Variants in TSPAN17 observed in about 807,000 individuals in gnomAD.
TSPAN17 encodes the protein tetraspanin-17.
A neutral mutation model predicts 40.5 loss-of-function variants in TSPAN17; 33 were observed. That is an observed-to-expected ratio of 0.81 (90% CI 0.62 to 1.09). The LOEUF (loss-of-function observed/expected upper bound fraction) is 1.09, where lower values mean the gene tolerates loss of function less well. TSPAN17 is among the 50% of genes least tolerant of loss of function. The pLI, the probability that TSPAN17 is intolerant of heterozygous loss-of-function variation, is 0.00. For missense variants in TSPAN17, 365 were observed against 416.8 expected, an observed-to-expected ratio of 0.88 and a Z score of 1.08; for synonymous variants, 166 against 169.4, an observed-to-expected ratio of 0.98 and a Z score of 0.15.
rs1010118610 is a variant in TSPAN17, at chr5:176,657,842, C to T, written c.*144C>T. 29 of 1,422,938 alleles carry T rather than the reference C, an allele frequency of 2.0e-5. No homozygotes were observed. The highest frequency in any genetic ancestry group is 5.9e-5 in the South Asian group (4 of 67,698). 88.1% of individuals were successfully genotyped at this position (1,422,938 alleles called of 1,614,324 possible). A position where few individuals can be genotyped will look rare whatever the true frequency, so the allele number is the denominator to read the frequency against. ...TGGCCCGTTCTACTCACCTAAGTGCCGCCTGACCCTTGTACACTAGGAGCT... is the reference window on the plus strand; with the variant it reads ...TGGCCCGTTCTACTCACCTAAGTGCTGCCTGACCCTTGTACACTAGGAGCT... On this transcript the variant is annotated 3_prime_UTR_variant, in exon 9 of 9. Coordinates refer to ENST00000508164, the MANE Select transcript of TSPAN17 (RefSeq NM_130465.5).
At chr5:176,648,699 G>C (rs112694690) in intron 1 of TSPAN17, among the ~76,000 whole-genome samples, 2 of 152,226 alleles carry the variant, frequency 1.3e-5, no homozygotes, top group African/African-American at 2.4e-5. Context: ...AGCAGGCCTG[G>C]CTGGGACACC....
Position 176,652,911 on chromosome 5 carries a change from T to A in TSPAN17, c.454T>A (p.Tyr152Asn), listed in dbSNP as rs1761025758. The A allele has an allele frequency of 6.2e-7, 1 of 1,614,000 alleles. No homozygotes were observed. The highest frequency in any genetic ancestry group is 8.5e-7 in the Non-Finnish European group (1 of 1,179,976). Residue 152 changes from tyrosine (Y) to asparagine (N), a missense_variant and splice_region_variant, in exon 4 of 9, where the codon TAC becomes AAC. Transcript: ENST00000508164. ...GAACCTCATTGACTTTGCTCAGGAA[T>A]ACGTGAGTCCAGTGTCCAGCCTGGG... ...LQNLIDFAQE[Y>N]WSCCGARGPN...
Position 176,651,747 on chromosome 5 carries a change from G to A in TSPAN17, c.139-7G>A. 1 of 1,614,140 alleles carries A rather than the reference G, an allele frequency of 6.2e-7. No homozygotes were observed. The highest frequency in any genetic ancestry group is 1.1e-5 in the South Asian group (1 of 91,084). ...CTCCCCACACCTGCCTCTGCTGCCC[G>A]GCACAGGGCGTTCTCTCGAACATCT... On this transcript the variant is annotated splice_region_variant and splice_polypyrimidine_tract_variant and intron_variant, in intron 2 of 8. Coordinates refer to ENST00000508164, the MANE Select transcript of TSPAN17 (RefSeq NM_130465.5). The surrounding 1 kb of genome is among the most constrained non-coding windows in gnomAD (Gnocchi z 4.5).
rs988712024 is a variant in TSPAN17 at position 176,651,558 on chromosome 5, A to AGG, written c.88-53_88-52dup. The stretch of plus-strand genomic sequence containing the variant: ...AGGCCCTGGCTACCGGGGAAGGATG[A>AGG]GGGGGGAGGGTCCTGGGGCTGCTCC... On this transcript the variant is annotated intron_variant, in intron 1 of 8. Transcript: ENST00000508164. This position sits in a 1 kb window ranked among gnomAD's most constrained non-coding sequence, Gnocchi z 4.5. 5.7e-5 allele frequency: 88 copies of AGG among 1,548,646 alleles called. No individual in the cohort carries two copies. Among genetic ancestry groups the AGG allele is most frequent in the Non-Finnish European group, 7.3e-5 (83 of 1,144,722 alleles).
rs1366604329 is a variant in TSPAN17, at chr5:176,654,904, T to G, written c.466T>G (p.Cys156Gly). 2 of 1,613,912 alleles carry G rather than the reference T, an allele frequency of 1.2e-6. No homozygotes were observed. Among genetic ancestry groups the G allele is most frequent in the South Asian group, 2.2e-5 (2 of 91,040 alleles). Reference protein sequence around the residue: ...IDFAQEYWSCCGARGPNDWNL... With the variant: ...IDFAQEYWSCGGARGPNDWNL... ...TCCCCTGCCCCCACAGTGGTCTTGC[T>G]GCGGAGCCCGAGGCCCCAATGACTG... The change falls in exon 5 of 9, where the codon TGC becomes GGC. Residue 156 changes from cysteine (C) to glycine (G), a missense_variant. By Grantham distance (159) the Cys-to-Gly change is radical. Coordinates refer to ENST00000508164, the MANE Select transcript of TSPAN17 (RefSeq NM_130465.5). This position sits in a 1 kb window ranked among gnomAD's most constrained non-coding sequence, Gnocchi z 4.3.
chr5:176,656,852 G>A lies in TSPAN17; in HGVS notation c.747+36G>A, dbSNP rs200164200. The A allele has an allele frequency of 5.9e-4, 959 of 1,614,082 alleles. 8 individuals carry two copies. In the South Asian group the frequency reaches 9.3e-3, roughly 16 times the overall value. ...GGCCCCACGTGCCCCTCCCCTTGCCGGGGCCGCCCTCACTCTCCCCTCACC... is the reference window on the plus strand; with the variant it reads ...GGCCCCACGTGCCCCTCCCCTTGCCAGGGCCGCCCTCACTCTCCCCTCACC... On this transcript the variant is annotated intron_variant, in intron 7 of 8. Transcript: ENST00000508164.
At chr5:176,653,198 A>C (rs1761036306) in intron 4 of TSPAN17, 1 of 300,364 alleles carries the variant, frequency 3.3e-6, no homozygotes, top group South Asian at 7.5e-5. Context: ...AGAATGGAGG[A>C]AATGTGACAT....
intron 5 of TSPAN17, among the ~76,000 whole-genome samples, chr5:176,655,856 G>A (rs867907080): frequency 2.6e-5 from 4 of 151,254 alleles, no homozygotes; most frequent in Admixed American, 1.3e-4. Flanking sequence ...AGCTATGATC[G>A]TGCCACTGCA....
chr5:176,653,247 C>T (rs1353796430), intron 4 of TSPAN17: 3 of 223,376 alleles, frequency 1.3e-5, no homozygotes, highest in Admixed American at 5.0e-5. Context: ...CTTGGGCCCA[C>T]GGTATTGGCT....
At chr5:176,647,822 A>C in intron 1 of TSPAN17, 120 bp downstream of exon 1, 1 of 943,188 alleles carries the variant, frequency 1.1e-6, no homozygotes, top group South Asian at 1.8e-5. Context: ...CCATCCCCCC[A>C]CTTCTGCCAC....
rs201893132 is a variant in TSPAN17 at position 176,656,075 on chromosome 5, C to A, written c.583-3C>A. The stretch of plus-strand genomic sequence containing the variant: ...AGTCACTAACTGGCCTGTCTCCCCT[C>A]AGGAGGATGTCCTCAACACCCAGTG... On this transcript the variant is annotated splice_region_variant and splice_polypyrimidine_tract_variant and intron_variant, in intron 5 of 8. Coordinates refer to ENST00000508164, the MANE Select transcript of TSPAN17 (RefSeq NM_130465.5). 4 of 1,614,184 alleles carry A rather than the reference C, an allele frequency of 2.5e-6. No homozygotes were observed. The highest frequency in any genetic ancestry group is 3.3e-5 in the Admixed American group (2 of 60,034).
At chr5:176,657,035 C>T (rs1338725546) in intron 8 of TSPAN17, 79 bp downstream of exon 8, 6 of 1,412,368 alleles carry the variant, frequency 4.2e-6, no homozygotes, top group South Asian at 3.9e-5. Context: ...TCCTACTATA[C>T]TCCTGACGGG....
rs777419621 is a variant in TSPAN17, at chr5:176,651,632, T to C, written c.104T>C (p.Phe35Ser). ...CCCTTGCAGGTGCTGGGAGCCCTGT[T>C]CCTGGCTATCGGCCTCTGGGCCTGG... is the stretch of plus-strand genomic sequence containing the variant. ...NIVFWVLGAL[F>S]LAIGLWAWGE... The change falls in exon 2 of 9, where the codon TTC becomes TCC. Residue 35 changes from phenylalanine to serine, a missense_variant. Phe to Ser is a radical substitution (Grantham distance 155). Transcript: ENST00000508164. This position sits in a 1 kb window ranked among gnomAD's most constrained non-coding sequence, Gnocchi z 4.5. The C allele has an allele frequency of 6.2e-7, 1 of 1,613,798 alleles. No individual in the cohort carries two copies. Among genetic ancestry groups the C allele is most frequent in the South Asian group, 1.1e-5 (1 of 91,060 alleles).
At chr5:176,648,488 C>T (rs1581191057) in intron 1 of TSPAN17, among the ~76,000 whole-genome samples, 2 of 152,258 alleles carry the variant, frequency 1.3e-5, no homozygotes, top group East Asian at 3.8e-4. Flanking sequence ...CCGTGGCCCT[C>T]TGCAGTCTCT....
At chr5:176,657,036 TC>T in intron 8 of TSPAN17, 80 bp downstream of exon 8, 1 of 1,390,140 alleles carries the variant, frequency 7.2e-7, no homozygotes, top group East Asian at 2.4e-5. Context: ...CCTACTATAC[TC>T]CTGACGGGCA....
intron 5 of TSPAN17, 70 bp downstream of exon 5, chr5:176,655,090 G>C: frequency 6.6e-7 from 1 of 1,524,972 alleles, no homozygotes; most frequent in East Asian, 2.4e-5. Context: ...CCTCCCACAG[G>C]GCCCCGCTCC....
At chr5:176,648,760 C>G (rs544315039) in intron 1 of TSPAN17, among the ~76,000 whole-genome samples, 73 of 152,310 alleles carry the variant, frequency 4.8e-4, no homozygotes, top group African/African-American at 1.7e-3. Flanking sequence ...GCCTGGGAGA[C>G]GACGATAAAG....
intron 3 of TSPAN17, among the ~76,000 whole-genome samples, chr5:176,652,202 G>T (rs1021284742): frequency 1.3e-5 from 2 of 152,090 alleles, no homozygotes; most frequent in African/African-American, 4.8e-5. Context: ...CCTGTTTCTC[G>T]GGCTCCCCCC....
In TSPAN17 at chr5:176,650,100, A is replaced by G. The variant is rs1157536734; in HGVS notation, c.88-1516A>G. Among the ~76,000 whole-genome samples the G allele has an allele frequency of 1.3e-5, 2 of 152,078 alleles. No individual in the cohort carries two copies. Among genetic ancestry groups the G allele is most frequent in the Non-Finnish European group, 1.5e-5 (1 of 68,010 alleles). ...GCTCCGTGAGGGTCGAGTCCGTCCT[A>G]TTCACCAGCGAATCCCCGGCATGGC... On this transcript the variant is annotated intron_variant, in intron 1 of 8. Coordinates refer to ENST00000508164, the MANE Select transcript of TSPAN17 (RefSeq NM_130465.5). The surrounding 1 kb of genome is among the most constrained non-coding windows in gnomAD (Gnocchi z 4.0).
Sources: gnomAD v4.1 joint callset for allele counts (sites outside exome capture counted in the v4.1 genomes callset) on GRCh38, gnomAD v4.1.1 for gene constraint, Gnocchi (gnomAD v3.1) non-coding constraint, MANE v1.5 for transcripts, NCBI Gene and HGNC (gene_info 2026-07-23, HGNC 2026-07-21) for gene names.